SVEP1: variants seen among roughly 807,000 people sequenced by gnomAD.
SVEP1 encodes sushi, von Willebrand factor type A, EGF and pentraxin domain containing 1.
Under a neutral mutation model 367.3 loss-of-function variants are expected in SVEP1, and 164 were observed. The observed-to-expected ratio is 0.45, with a 90% CI of 0.39 to 0.51. The LOEUF is 0.51. Among genes scored for constraint, SVEP1 ranks in the 20% least tolerant of loss-of-function variants. SVEP1 has a pLI of 0.00. For synonymous variants in SVEP1, 1,666 were observed against 1,611.6 expected (o/e 1.03, Z -0.81); for missense variants, 4,117 against 4,425.3 (o/e 0.93, Z 1.98).
intron 38 of SVEP1, 119 bp from the exon 39 acceptor site, chr9:110,404,671 GT>G: frequency 2.1e-5 from 19 of 908,986 alleles, no homozygotes; most frequent in Non-Finnish European, 3.1e-5. Context: ...CATATTGATT[GT>G]TGCACAATCA....
intron 1 of SVEP1, among the ~76,000 whole-genome samples, chr9:110,564,542 C>T (rs528072791): frequency 6.6e-5 from 10 of 152,150 alleles, no homozygotes; most frequent in African/African-American, 1.9e-4. Context: ...TTTTTAAGTT[C>T]GTGAACTTAC....
At chr9:110,546,012 C>A in intron 3 of SVEP1, 103 bp downstream of exon 3, 4 of 1,368,590 alleles carry the variant, frequency 2.9e-6, no homozygotes, top group Non-Finnish European at 4.0e-6. Flanking sequence ...TGACCCCACA[C>A]ACTAATGAGC....
chr9:110,573,262 T>TG (rs1830587132), intron 1 of SVEP1, among the ~76,000 whole-genome samples: 1 of 151,966 alleles, frequency 6.6e-6, no homozygotes, highest in Non-Finnish European at 1.5e-5. Flanking sequence ...ATACAAAGGC[T>TG]ATTATCAGCC....
chr9:110,520,944 T>C (rs189297313), intron 3 of SVEP1, among the ~76,000 whole-genome samples: 59 of 152,302 alleles, frequency 3.9e-4, no homozygotes, highest in Admixed American at 4.6e-4. Flanking sequence ...CCTGGAGTTG[T>C]ACAACACCAA....
At chr9:110,461,018 C>T (rs977032897) in intron 18 of SVEP1, among the ~76,000 whole-genome samples, 2 of 151,920 alleles carry the variant, frequency 1.3e-5, no homozygotes, top group African/African-American at 2.4e-5. Context: ...TTTTTGTATT[C>T]GTCGGTCTGG....
intron 27 of SVEP1, chr9:110,442,873 T>A (rs1458560641): frequency 6.6e-6 from 1 of 152,232 alleles, no homozygotes; most frequent in Non-Finnish European, 1.5e-5. Context: ...AGTATACGTA[T>A]CCTAGTTTCA....
At chr9:110,462,288 A>G (rs1449486488) in intron 18 of SVEP1, among the ~76,000 whole-genome samples, 1 of 152,104 alleles carries the variant, frequency 6.6e-6, no homozygotes, top group African/African-American at 2.4e-5. Flanking sequence ...ATTAGCTTCT[A>G]AAAATACCCA....
rs762250865 is a variant in SVEP1, at chr9:110,407,564, G to C, written c.8036C>G (p.Thr2679Ser). 1.9e-6 allele frequency: 3 copies of C among 1,613,954 alleles called. No individual in the cohort carries two copies. The highest frequency in any genetic ancestry group is 3.3e-4 in the Middle Eastern group (2 of 6,062). The part of the protein sequence containing the change: ...ATHSSNFLYG[T>S]MVSYTCNPGY... ...TGGATTACAGGTGTATGAAACCATGGTACCATACAGAAAGTTTGATGAATG... is the reference window on the plus strand; with the variant it reads ...TGGATTACAGGTGTATGAAACCATGCTACCATACAGAAAGTTTGATGAATG... Residue 2679 changes from threonine (T) to serine (S), a missense_variant, in exon 38 of 48, where the codon ACC (threonine) becomes AGC (serine). Around this residue, in one of 4 missense-constraint regions of SVEP1, gnomAD observed 1,765 missense variants for 1,781.1 expected, o/e 0.99. Coordinates refer to ENST00000374469, the MANE Select transcript of SVEP1 (RefSeq NM_153366.4).
At chr9:110,384,381 C>A (rs149252644) in intron 43 of SVEP1, among the ~76,000 whole-genome samples, 282 of 151,838 alleles carry the variant, frequency 1.9e-3, no homozygotes, top group African/African-American at 6.6e-3. Flanking sequence ...AATGAGAGAA[C>A]CTGGATACCT....
chr9:110,441,353 C>G (rs1160184174), intron 27 of SVEP1, among the ~76,000 whole-genome samples: 1 of 152,140 alleles, frequency 6.6e-6, no homozygotes, highest in African/African-American at 2.4e-5. Flanking sequence ...CTTTCCTTCC[C>G]CTCCAAATTA....
rs1033008596 is a variant in SVEP1 at position 110,445,965 on chromosome 9, G to A, written c.4335C>T (p.Leu1445=). ...IYGYVMLDGM[L]PSLHALTCTF... ...TACAGGTTAGAGCATGGAGAGATGG[G>A]AGCATGCCATCTAGCATGACATATC... Residue 1445 remains leucine (L), a synonymous_variant, in exon 26 of 48, where the codon CTC becomes CTT. Coordinates refer to ENST00000374469, the MANE Select transcript of SVEP1 (RefSeq NM_153366.4). The A allele has an allele frequency of 3.7e-6, 6 of 1,613,864 alleles. No homozygotes were observed. The highest frequency in any genetic ancestry group is 2.2e-5 in the East Asian group (1 of 44,874).
At chr9:110,427,155 G>A (rs1271278531) in intron 36 of SVEP1, among the ~76,000 whole-genome samples, 6 of 151,882 alleles carry the variant, frequency 4.0e-5, no homozygotes, top group East Asian at 1.9e-4. Flanking sequence ...AAAAGTAGCC[G>A]GGTGTGGTGG....
intron 9 of SVEP1, among the ~76,000 whole-genome samples, chr9:110,488,656 G>A (rs12343861): frequency 0.19 from 28,967 of 151,850 alleles, 3,339 homozygotes; most frequent in South Asian, 0.28. Flanking sequence ...GAGGCCAGGA[G>A]TTTGAGATCA....
In SVEP1 at chr9:110,393,699, C is replaced by A. The variant is rs1268109303; in HGVS notation, c.9823-4112G>T. ...CCAACAGGCTTAAAAAACAGCAAAC[C>A]AGGAGATTATATCCCGCACCTGGCT... On this transcript the variant is annotated intron_variant, in intron 40 of 47. Transcript: ENST00000374469. Among the ~76,000 whole-genome samples the A allele has an allele frequency of 5.3e-5, 8 of 152,236 alleles. No homozygotes were observed. The East Asian group carries it at 1.5e-3, about 29-fold the overall frequency.
chr9:110,396,614 G>GAAA (rs1385121775), intron 40 of SVEP1, among the ~76,000 whole-genome samples: 5 of 78,250 alleles, frequency 6.4e-5, no homozygotes, highest in African/African-American at 2.2e-4. Flanking sequence ...AGACTAATAA[G>GAAA]AAAAGAGAGA....
At chr9:110,484,863 GCAA>G (rs1564155871) in intron 9 of SVEP1, among the ~76,000 whole-genome samples, 1 of 152,146 alleles carries the variant, frequency 6.6e-6, no homozygotes, top group African/African-American at 2.4e-5. Context: ...TTAGAGAAAT[GCAA>G]ATCAAAACCA....
intron 40 of SVEP1, among the ~76,000 whole-genome samples, chr9:110,390,116 T>TAC (rs1448690838): frequency 1.6e-5 from 2 of 128,352 alleles, no homozygotes; most frequent in Non-Finnish European, 3.3e-5. Flanking sequence ...TAAGTATATA[T>TAC]ACATACATAC....
At chr9:110,387,130 T>TTAAAATATCCCAGAGAA (rs1336405478) in intron 42 of SVEP1, among the ~76,000 whole-genome samples, 155 bp downstream of exon 42, 35 of 152,218 alleles carry the variant, frequency 2.3e-4, no homozygotes, top group Admixed American at 2.0e-3. Flanking sequence ...AAACATATTT[T>TTAAAATATCCCAGAGAA]TAAAATATCC....
chr9:110,569,760 A>C (rs911786468), intron 1 of SVEP1, among the ~76,000 whole-genome samples: 1 of 152,244 alleles, frequency 6.6e-6, no homozygotes, highest in Admixed American at 6.5e-5. Context: ...CTATTTCAAT[A>C]GACATAGTAA....
Sources: gnomAD v4.1 joint callset for allele counts (sites outside exome capture counted in the v4.1 genomes callset) on GRCh38, gnomAD v4.1.1 for gene constraint, gnomAD v4.1.1 regional missense constraint, MANE v1.5 for transcripts, NCBI Gene and HGNC (gene_info 2026-07-23, HGNC 2026-07-21) for gene names.